NAALADL2: variants seen among roughly 807,000 people sequenced by gnomAD.
NAALADL2 encodes the protein N-acetylated alpha-linked acidic dipeptidase like 2.
In NAALADL2, 76 loss-of-function variants were observed where a neutral mutation model predicts 87.2. That is an observed-to-expected ratio of 0.87 (90% CI 0.72 to 1.05). The LOEUF is 1.05. NAALADL2 is among the 50% of genes least tolerant of loss of function. The probability of loss-of-function intolerance (pLI) is 0.00; values close to 1 mark genes in which losing one functional copy is unlikely to be tolerated. For missense variants in NAALADL2, 1,089 were observed against 945.8 expected (o/e 1.15, Z -1.99); for synonymous variants, 354 against 331.0 (o/e 1.07, Z -0.75).
intron 1 of NAALADL2, among the ~76,000 whole-genome samples, chr3:174,946,122 CTTGT>C (rs1443187585): frequency 1.3e-5 from 2 of 148,550 alleles, no homozygotes; most frequent in East Asian, 2.0e-4. Context: ...GACTATTCCT[CTTGT>C]TTATTTCTCT....
At chr3:175,131,849 G>A (rs1185433473) in intron 2 of NAALADL2, among the ~76,000 whole-genome samples, 1 of 82,642 alleles carries the variant, frequency 1.2e-5, no homozygotes, top group African/African-American at 5.4e-5. Context: ...CTCCCGGACG[G>A]GGCGGCTGGC....
At chr3:174,607,517 C>G (rs1237864243) in intron 2 of NAALADL2, among the ~76,000 whole-genome samples, 7 of 149,252 alleles carry the variant, frequency 4.7e-5, no homozygotes, top group African/African-American at 1.7e-4. Flanking sequence ...GGTTGCAATC[C>G]TAGTCTCTGA....
intron 2 of NAALADL2, among the ~76,000 whole-genome samples, chr3:174,639,701 C>A (rs1243675834): frequency 6.6e-6 from 1 of 152,094 alleles, no homozygotes; most frequent in African/African-American, 2.4e-5. Context: ...TGCTCATGTA[C>A]CTCCGAAAAG....
intron 2 of NAALADL2, among the ~76,000 whole-genome samples, chr3:174,723,965 T>C (rs1398720818): frequency 6.6e-6 from 1 of 151,988 alleles, no homozygotes; most frequent in Non-Finnish European, 1.5e-5. Flanking sequence ...TGAGCAAATA[T>C]ATATGTGTTT....
intron 11 of NAALADL2, among the ~76,000 whole-genome samples, chr3:175,670,501 T>TAAATATATTAA (rs1560949288): frequency 4.0e-5 from 4 of 99,052 alleles, no homozygotes; most frequent in African/African-American, 2.1e-4. Context: ...AAATTTAATA[T>TAAATATATTAA]ATTTATATTA....
intron 2 of NAALADL2, among the ~76,000 whole-genome samples, chr3:175,117,267 C>A (rs1159014754): frequency 1.1e-5 from 1 of 93,808 alleles, no homozygotes; most frequent in Non-Finnish European, 2.1e-5. Flanking sequence ...CAAATGGGAT[C>A]TAATTAAACT....
intron 10 of NAALADL2, among the ~76,000 whole-genome samples, chr3:175,595,380 T>G (rs1338905487): frequency 6.6e-6 from 1 of 152,100 alleles, no homozygotes; most frequent in Non-Finnish European, 1.5e-5. Context: ...ACTAGTACCT[T>G]GCTTTTTTGA....
chr3:174,646,590 CTTTT>C (rs200582752), intron 2 of NAALADL2, among the ~76,000 whole-genome samples: 5,542 of 141,198 alleles, frequency 0.039, 390 homozygotes, highest in African/African-American at 0.14. Context: ...ATTAAGAATT[CTTTT>C]AAGATAAACT....
chr3:175,572,267 T>C (rs1188679931), intron 9 of NAALADL2, among the ~76,000 whole-genome samples: 2 of 152,130 alleles, frequency 1.3e-5, no homozygotes, highest in East Asian at 3.9e-4. Context: ...CACTCAACCC[T>C]CTTTTTCTAT....
chr3:175,791,635 AACTG>A (rs1446393260), intron 13 of NAALADL2, among the ~76,000 whole-genome samples: 34 of 152,244 alleles, frequency 2.2e-4, no homozygotes, highest in African/African-American at 7.9e-4. Flanking sequence ...TGATGTCCTA[AACTG>A]ACTATTTCTA....
intron 2 of NAALADL2, among the ~76,000 whole-genome samples, chr3:175,113,825 C>T (rs1724611726): frequency 1.3e-5 from 2 of 151,512 alleles, no homozygotes; most frequent in Admixed American, 1.3e-4. Context: ...TTCATCTTTT[C>T]AAAATCGTAA....
At chr3:175,628,601 T>G (rs935239090) in intron 11 of NAALADL2, among the ~76,000 whole-genome samples, 12 of 57,188 alleles carry the variant, frequency 2.1e-4, no homozygotes, top group African/African-American at 6.6e-4. Flanking sequence ...ACCATTAAAA[T>G]AATCTCTCTC....
intron 1 of NAALADL2, among the ~76,000 whole-genome samples, chr3:174,483,706 C>T (rs750411674): frequency 6.6e-6 from 1 of 151,914 alleles, no homozygotes; most frequent in East Asian, 1.9e-4. Flanking sequence ...TAAATCTTAA[C>T]TCGAATACTT....
At chr3:175,566,765 T>A (rs1717210933) in intron 9 of NAALADL2, among the ~76,000 whole-genome samples, 1 of 152,112 alleles carries the variant, frequency 6.6e-6, no homozygotes, top group Admixed American at 6.5e-5. Flanking sequence ...TTTTTTTATA[T>A]CAGCATATCT....
At chr3:174,809,419 A>G (rs760020269) in intron 3 of NAALADL2, among the ~76,000 whole-genome samples, 4 of 152,220 alleles carry the variant, frequency 2.6e-5, no homozygotes, top group African/African-American at 7.2e-5. Context: ...CTAGGGCACT[A>G]TGTTCCATAT....
At chr3:175,262,674 G>A (rs1751274240) in intron 4 of NAALADL2, among the ~76,000 whole-genome samples, 1 of 151,198 alleles carries the variant, frequency 6.6e-6, no homozygotes, top group African/African-American at 2.4e-5. Context: ...AAAAAGATAG[G>A]AAAGAAGAGA....
intron 10 of NAALADL2, chr3:175,609,743 A>G (rs182022236): frequency 6.6e-6 from 1 of 152,306 alleles, no homozygotes. Context: ...CAGAGGGGAA[A>G]TTAACTTACA....
intron 1 of NAALADL2, among the ~76,000 whole-genome samples, chr3:174,935,691 TC>T (rs1192549139): frequency 6.6e-6 from 1 of 152,156 alleles, no homozygotes; most frequent in East Asian, 1.9e-4. Flanking sequence ...CTTTTAAGGT[TC>T]TCTAATGAAT....
intron 13 of NAALADL2, among the ~76,000 whole-genome samples, chr3:175,796,909 T>C (rs1576860763): frequency 2.0e-5 from 3 of 152,214 alleles, no homozygotes; most frequent in African/African-American, 7.2e-5. Flanking sequence ...AAATGACTTA[T>C]GAAGATTTTA....
Sources: allele counts gnomAD v4.1 joint callset (sites outside exome capture counted in the v4.1 genomes callset), GRCh38; gene constraint gnomAD v4.1.1; transcripts MANE v1.5; gene names NCBI Gene and HGNC (gene_info 2026-07-23, HGNC 2026-07-21).